The following GRHL2 variants were observed in gnomAD, a reference collection of about 807,000 sequenced individuals.
The protein encoded by GRHL2 is grainyhead like transcription factor 2.
A neutral mutation model predicts 83.8 loss-of-function variants in GRHL2; 21 were observed. The observed-to-expected ratio is 0.25, with a 90% CI of 0.18 to 0.36. The LOEUF (loss-of-function observed/expected upper bound fraction) is 0.36. Among genes scored for constraint, GRHL2 ranks in the 10% least tolerant of loss-of-function variants. The pLI, the probability that GRHL2 is intolerant of heterozygous loss-of-function variation, is 1.00. For synonymous variants in GRHL2, 280 were observed against 278.9 expected (o/e 1.00, Z -0.04); for missense variants, 623 against 781.8 (o/e 0.80, Z 2.42).
chr8:101,537,398 A>G (rs973291639), intron 1 of GRHL2, among the ~76,000 whole-genome samples: 1 of 152,228 alleles, frequency 6.6e-6, no homozygotes, highest in African/African-American at 2.4e-5. Context: ...GGCTAAAGAG[A>G]AGAACCACCT....
At chr8:101,576,250 G>A (rs781241841) in intron 6 of GRHL2, among the ~76,000 whole-genome samples, 2 of 152,166 alleles carry the variant, frequency 1.3e-5, no homozygotes, top group Non-Finnish European at 2.9e-5. Flanking sequence ...GTCTCTCTCT[G>A]TCACCCAGGC....
chr8:101,676,508 G>A, the GRHL2 span, among the ~76,000 whole-genome samples: 1 of 152,144 alleles, frequency 6.6e-6, no homozygotes, highest in Admixed American at 6.5e-5. Flanking sequence ...AAACCACAAT[G>A]AGATACCATC....
chr8:101,675,074 T>A, the GRHL2 span, among the ~76,000 whole-genome samples: 12 of 152,226 alleles, frequency 7.9e-5, no homozygotes, highest in Middle Eastern at 3.4e-3. Context: ...TAATAAGAGT[T>A]ATCTATGACA....
At chr8:101,601,863 A>G (rs953082816) in intron 8 of GRHL2, among the ~76,000 whole-genome samples, 11 of 152,182 alleles carry the variant, frequency 7.2e-5, no homozygotes, top group Non-Finnish European at 1.5e-4. Flanking sequence ...GCATAGGTAT[A>G]TGTGTGCCAT....
intron 2 of GRHL2, 47 bp downstream of exon 2, chr8:101,543,483 C>T (rs1326980362): frequency 6.5e-7 from 1 of 1,548,234 alleles, no homozygotes; most frequent in Admixed American, 1.7e-5. Context: ...TCCAGGACAA[C>T]CCTTTGCTGG....
intron 1 of GRHL2, among the ~76,000 whole-genome samples, chr8:101,502,388 C>T (rs1371070848): frequency 6.6e-6 from 1 of 152,186 alleles, no homozygotes; most frequent in Non-Finnish European, 1.5e-5. Context: ...GCCCCCTCAC[C>T]TCCTTCACCA....
chr8:101,658,251 G>GCTTCTTTGT, intron 14 of GRHL2, among the ~76,000 whole-genome samples: 1 of 152,158 alleles, frequency 6.6e-6, no homozygotes, highest in African/African-American at 2.4e-5. Context: ...TGTACTGGAT[G>GCTTCTTTGT]GGGTCTGTGA....
chr8:101,516,107 G>T (rs1409586485), intron 1 of GRHL2, among the ~76,000 whole-genome samples: 1 of 152,048 alleles, frequency 6.6e-6, no homozygotes, highest in Admixed American at 6.6e-5. Context: ...GGACCAAATG[G>T]GGTTTTGATC....
intron 14 of GRHL2, among the ~76,000 whole-genome samples, chr8:101,651,989 G>T (rs1406223737): frequency 6.6e-6 from 1 of 152,166 alleles, no homozygotes; most frequent in Non-Finnish European, 1.5e-5. Flanking sequence ...CGGCAACTTG[G>T]GGGCAGCCAT....
chr8:101,617,499 C>A (rs1331445620), intron 8 of GRHL2, among the ~76,000 whole-genome samples: 1 of 151,956 alleles, frequency 6.6e-6, no homozygotes, highest in East Asian at 1.9e-4. Flanking sequence ...ATTCAAAAGG[C>A]TTTTATTTTA....
intron 1 of GRHL2, among the ~76,000 whole-genome samples, chr8:101,498,968 G>T (rs537930801): frequency 1.3e-5 from 2 of 152,110 alleles, no homozygotes; most frequent in South Asian, 2.1e-4. Flanking sequence ...CCAGCTACTT[G>T]GGAGGCTGAG....
intron 1 of GRHL2, among the ~76,000 whole-genome samples, chr8:101,525,395 G>C (rs1810783846): frequency 6.6e-6 from 1 of 152,026 alleles, no homozygotes; most frequent in Non-Finnish European, 1.5e-5. Flanking sequence ...TATATCATAT[G>C]AAAAATTAAA....
chr8:101,567,964 ATC>A (rs1377647050), intron 4 of GRHL2, among the ~76,000 whole-genome samples: 2 of 152,216 alleles, frequency 1.3e-5, no homozygotes, highest in Non-Finnish European at 2.9e-5. Context: ...TTGGAAATGC[ATC>A]TGTGTCTCCA....
At chr8:101,677,604 GTATT>G in the GRHL2 span, among the ~76,000 whole-genome samples, 1 of 152,036 alleles carries the variant, frequency 6.6e-6, no homozygotes, top group East Asian at 1.9e-4. Flanking sequence ...GCAGAGGTGA[GTATT>G]TAATAAGAGT....
At chr8:101,507,033 C>A (rs141733545) in intron 1 of GRHL2, among the ~76,000 whole-genome samples, 6 of 152,150 alleles carry the variant, frequency 3.9e-5, no homozygotes. Flanking sequence ...TCCCCTCTGG[C>A]GTCTACCCAA....
intron 14 of GRHL2, among the ~76,000 whole-genome samples, chr8:101,652,349 G>GTGTGGT (rs753862872): frequency 8.0e-5 from 5 of 62,514 alleles, no homozygotes; most frequent in African/African-American, 6.4e-4. Flanking sequence ...GTATGTGTGT[G>GTGTGGT]GTGTGTGTGG....
intron 4 of GRHL2, among the ~76,000 whole-genome samples, chr8:101,568,591 T>C (rs1811762990): frequency 6.6e-6 from 1 of 152,170 alleles, no homozygotes; most frequent in African/African-American, 2.4e-5. Flanking sequence ...TTTTAGTTTT[T>C]TTTTTTTAAT....
At chr8:101,573,636 T>C in intron 5 of GRHL2, 32 bp from the exon 6 acceptor site, 1 of 1,613,680 alleles carries the variant, frequency 6.2e-7, no homozygotes, top group Non-Finnish European at 8.5e-7. Flanking sequence ...TCCAAGTGAG[T>C]GGATCTGACC....
chr8:101,646,936 G>T (rs1586168798), intron 13 of GRHL2, among the ~76,000 whole-genome samples: 1 of 152,162 alleles, frequency 6.6e-6, no homozygotes, highest in East Asian at 1.9e-4. Flanking sequence ...CGGTGGAGCT[G>T]CCCTGCCTGG....
Sources: gnomAD v4.1 joint callset for allele counts (sites outside exome capture counted in the v4.1 genomes callset) on GRCh38, gnomAD v4.1.1 for gene constraint, MANE v1.5 for transcripts, NCBI Gene and HGNC (gene_info 2026-07-23, HGNC 2026-07-21) for gene names.